ATM: variants seen among roughly 807,000 people sequenced by gnomAD.
ATM encodes serine-protein kinase ATM.
In ATM, 308 loss-of-function variants were observed where a neutral mutation model predicts 387.0. The ratio of observed to expected loss-of-function variants is 0.80; its 90% confidence interval spans 0.73 to 0.87. The LOEUF (loss-of-function observed/expected upper bound fraction) is 0.87. ATM is among the 40% of genes least tolerant of loss of function. The probability of loss-of-function intolerance (pLI) is 0.00; values close to 1 mark genes in which losing one functional copy is unlikely to be tolerated. For missense variants in ATM, 3,312 were observed against 3,560.9 expected (o/e 0.93, Z 1.78); for synonymous variants, 1,156 against 1,187.3 (o/e 0.97, Z 0.54).
chr11:108,285,871 C>A (rs1262370755), intron 26 of ATM, among the ~76,000 whole-genome samples: 2 of 152,170 alleles, frequency 1.3e-5, no homozygotes, highest in Non-Finnish European at 2.9e-5. Flanking sequence ...CTTAATCTTA[C>A]TATTCTTTTC....
Position 108,327,470 on chromosome 11 carries a change from T to A in ATM, c.6976-175T>A. ...TAATAATAAACAGAGGATGATCATT[T>A]CCTACATGGGATTATTAAAATAGTT... On this transcript the variant is annotated intron_variant, in intron 47 of 62. Coordinates refer to ENST00000675843, the MANE Select transcript of ATM (RefSeq NM_000051.4). The A allele has an allele frequency of 5.2e-6, 3 of 575,430 alleles. No individual in the cohort carries two copies. In the South Asian group the frequency reaches 5.8e-5, roughly 11 times the overall value. 35.6% of individuals were successfully genotyped at this position (575,430 alleles called of 1,614,324 possible).
At position 108,307,849 on chromosome 11, in the gene ATM, T is replaced by C. The variant is rs368669649; in HGVS notation, c.5675-48T>C. On this transcript the variant is annotated intron_variant, in intron 37 of 62. Coordinates refer to ENST00000675843, the MANE Select transcript of ATM (RefSeq NM_000051.4). ...CACATAAACAAGAAGGAAGAAGGTG[T>C]GTAAGCAAGAATGCCTGGGACTGAG... 33 of 1,501,118 alleles carry C rather than the reference T, an allele frequency of 2.2e-5. No homozygotes were observed. The highest frequency in any genetic ancestry group is 3.1e-5 in the Non-Finnish European group (33 of 1,081,308). 93.0% of individuals were successfully genotyped at this position (1,501,118 alleles called of 1,614,324 possible).
At chr11:108,338,933 T>TG (rs1201924762) in intron 56 of ATM, among the ~76,000 whole-genome samples, 5 of 152,156 alleles carry the variant, frequency 3.3e-5, no homozygotes, top group Non-Finnish European at 7.4e-5. Context: ...TCATTCCCAA[T>TG]CCTGAGATTC....
In ATM at chr11:108,256,225, C is replaced by G. The variant is rs1057516620; in HGVS notation, c.2135C>G (p.Ser712Ter). Residue 712 changes from serine (S) to a stop codon, truncating the protein, a stop_gained, in exon 14 of 63, where the codon TCA becomes TGA. Coordinates refer to ENST00000675843, the MANE Select transcript of ATM (RefSeq NM_000051.4). LOFTEE classifies it high-confidence loss of function. ...LNNYSSEITN[S>*]ETLVRCSRLL... is the part of the protein sequence containing the mutation. ...GTGGTTTACTTTAAGATTACAAATT[C>G]AGAAACTCTTGTCCGGTGTTCACGT... 6.2e-7 allele frequency: 1 copy of G among 1,604,464 alleles called. No individual in the cohort carries two copies. Among genetic ancestry groups the G allele is most frequent in the Non-Finnish European group, 8.5e-7 (1 of 1,174,058 alleles).
In ATM at chr11:108,367,247, A is replaced by C. The variant is rs190315580; in HGVS notation, c.*1739A>C. 1.7e-5 allele frequency: 3 copies of C among 179,310 alleles called. No homozygotes were observed. 11.1% of individuals were successfully genotyped at this position (179,310 alleles called of 1,614,324 possible). On this transcript the variant is annotated 3_prime_UTR_variant, in exon 63 of 63. Coordinates refer to ENST00000675843, the MANE Select transcript of ATM (RefSeq NM_000051.4). ...CGTGATCCACCCTCCTCGGCCTCCCAAAGTGCTGGGATTACAGGTGTGAGC... is the reference window on the plus strand; with the variant it reads ...CGTGATCCACCCTCCTCGGCCTCCCCAAGTGCTGGGATTACAGGTGTGAGC...
chr11:108,287,588 G>T lies in ATM; in HGVS notation c.3994-12G>T, dbSNP rs1057520398. 1.4e-5 allele frequency: 22 copies of T among 1,519,856 alleles called. No homozygotes were observed. The highest frequency in any genetic ancestry group is 1.8e-5 in the Non-Finnish European group (20 of 1,095,876). The allele number at this position is 1,519,856 out of a possible 1,614,324, so 94.1% of individuals were successfully genotyped here. On this transcript the variant is annotated splice_polypyrimidine_tract_variant and intron_variant, in intron 26 of 62. Transcript: ENST00000675843. ...AAAATATTAAATATATTTTAATTTT[G>T]TGCCCTTGCAGATTGATCACTTATT...
chr11:108,331,497 G>A lies in ATM; in HGVS notation c.7569G>A (p.Leu2523=). The A allele has an allele frequency of 6.2e-7, 1 of 1,613,162 alleles. No individual in the cohort carries two copies. Among genetic ancestry groups the A allele is most frequent in the Non-Finnish European group, 8.5e-7 (1 of 1,179,690 alleles). ...AATTTTTGCCTCTTATGTACCAATT[G>A]GCTGCTAGAATGGGGACCAAGATGA... is the stretch of plus-strand genomic sequence containing the variant. The part of the protein sequence containing the change: ...TYKFLPLMYQ[L]AARMGTKMMG... The change falls in exon 51 of 63, where the codon TTG becomes TTA. Residue 2523 remains leucine, a synonymous_variant. Coordinates refer to ENST00000675843, the MANE Select transcript of ATM (RefSeq NM_000051.4).
At chr11:108,235,628 G>C (rs1368417441) in intron 4 of ATM, 42 bp from the exon 5 acceptor site, 1 of 1,513,392 alleles carries the variant, frequency 6.6e-7, no homozygotes, top group African/African-American at 1.4e-5. Flanking sequence ...TCTTATTTTT[G>C]TTCAAATTTA....
chr11:108,343,674 C>T (rs1451242951), intron 57 of ATM, among the ~76,000 whole-genome samples: 1 of 152,150 alleles, frequency 6.6e-6, no homozygotes, highest in South Asian at 2.1e-4. Context: ...ATGCCAGGCA[C>T]GATGGCATGC....
chr11:108,331,480 C>T lies in ATM; in HGVS notation c.7552C>T (p.Pro2518Ser), dbSNP rs374876799. 48 of 1,612,666 alleles carry T rather than the reference C, an allele frequency of 3.0e-5. No homozygotes were observed. The African/African-American group carries it at 4.8e-4, about 16-fold the overall frequency. ...GMKIPTYKFL[P>S]LMYQLAARMG... Reference sequence around the variant, plus strand: ...GAAGATTCCAACATATAAATTTTTGCCTCTTATGTACCAATTGGCTGCTAG... The same window carrying T: ...GAAGATTCCAACATATAAATTTTTGTCTCTTATGTACCAATTGGCTGCTAG... The change falls in exon 51 of 63, where the codon CCT becomes TCT. Residue 2518 changes from proline (P) to serine (S), a missense_variant. Around this residue, in one of 4 missense-constraint regions of ATM, gnomAD observed 1,405 missense variants for 1,604.4 expected, o/e 0.88. Transcript: ENST00000675843.
Position 108,310,096 on chromosome 11 carries a change from C to A in ATM, c.5763-64C>A, listed in dbSNP as rs557638014. The A allele has an allele frequency of 1.4e-5, 22 of 1,525,214 alleles. No homozygotes were observed. In the East Asian group the frequency reaches 4.3e-4, roughly 30 times the overall value. 94.5% of individuals were successfully genotyped at this position (1,525,214 alleles called of 1,614,324 possible). Reference sequence around the variant, plus strand: ...TCACTACCATTGTATTCTATATCAACATGCTTTTATTTTGATATTGAAGTT... The same window carrying A: ...TCACTACCATTGTATTCTATATCAAAATGCTTTTATTTTGATATTGAAGTT... On this transcript the variant is annotated intron_variant, in intron 38 of 62. Transcript: ENST00000675843.
intron 55 of ATM, among the ~76,000 whole-genome samples, chr11:108,335,604 A>G (rs1325548213): frequency 2.6e-5 from 4 of 152,002 alleles, no homozygotes; most frequent in Non-Finnish European, 4.4e-5. Context: ...ATGCCTTCCT[A>G]GGGGGGACTT....
rs1591656404 is a variant in ATM, at chr11:108,287,723, C to T, written c.4109+8C>T. ...CCTCTGTGACTTTTCAGGGTATGTA[C>T]ATTTTAAACTTAGAGAACTAGCTCT... On this transcript the variant is annotated splice_region_variant and intron_variant, in intron 27 of 62. Transcript: ENST00000675843. 6.3e-7 allele frequency: 1 copy of T among 1,593,244 alleles called. No homozygotes were observed. Among genetic ancestry groups the T allele is most frequent in the Non-Finnish European group, 8.6e-7 (1 of 1,161,576 alleles).
intron 4 of ATM, chr11:108,229,579 T>C: frequency 5.0e-6 from 2 of 401,446 alleles, no homozygotes; most frequent in Non-Finnish European, 8.9e-6. Context: ...CAATTCGTTG[T>C]AAACACCACT....
chr11:108,256,644 TCTC>T (rs1310044537), intron 14 of ATM, among the ~76,000 whole-genome samples: 1 of 152,150 alleles, frequency 6.6e-6, no homozygotes, highest in African/African-American at 2.4e-5. Context: ...ATTAGGTACT[TCTC>T]CTAATGTTAT....
intron 23 of ATM, 152 bp downstream of exon 23, chr11:108,279,760 G>A: frequency 1.4e-6 from 1 of 699,930 alleles, no homozygotes; most frequent in Non-Finnish European, 2.5e-6. Context: ...GATTGAAACT[G>A]CATTCTTTCT....
chr11:108,292,416 T>C (rs1308311696), intron 29 of ATM, among the ~76,000 whole-genome samples: 4 of 152,220 alleles, frequency 2.6e-5, no homozygotes, highest in Non-Finnish European at 4.4e-5. Context: ...TCAATGTTTC[T>C]ATTAAAGGAT....
intron 18 of ATM, 60 bp from the exon 19 acceptor site, chr11:108,271,004 T>A: frequency 6.9e-7 from 1 of 1,446,008 alleles, no homozygotes; most frequent in Non-Finnish European, 9.7e-7. Flanking sequence ...TATGTTTATA[T>A]ACTTTTTAAA....
Position 108,354,915 on chromosome 11 carries a change from C to T in ATM, c.8850+41C>T, listed in dbSNP as rs759533987. 25 of 1,522,248 alleles carry T rather than the reference C, an allele frequency of 1.6e-5. 1 individual carries two copies. Among genetic ancestry groups the T allele is most frequent in the Middle Eastern group, 1.7e-4 (1 of 5,902 alleles). The allele number at this position is 1,522,248 out of a possible 1,614,324, so 94.3% of individuals were successfully genotyped here. On this transcript the variant is annotated intron_variant, in intron 61 of 62. Transcript: ENST00000675843. ...AGGAAGACTTTATTTTTTTTCTTAC[C>T]AGGTAGACTGTGTATCTCATCAGGA...
Sources: gnomAD v4.1 joint callset for allele counts (sites outside exome capture counted in the v4.1 genomes callset) on GRCh38, gnomAD v4.1.1 for gene constraint, gnomAD v4.1.1 regional missense constraint, MANE v1.5 for transcripts, NCBI Gene and HGNC (gene_info 2026-07-23, HGNC 2026-07-21) for gene names.